The following PCDH7 variants were observed in gnomAD, a reference collection of about 807,000 sequenced individuals.
The protein encoded by PCDH7 is protocadherin 7, also known as protocadherin-7.
In PCDH7, 17 loss-of-function variants were observed where a neutral mutation model predicts 58.9. The observed-to-expected ratio is 0.29, with a 90% CI of 0.20 to 0.43. PCDH7 has a LOEUF of 0.43. PCDH7 is among the 20% of genes least tolerant of loss of function. The probability of loss-of-function intolerance (pLI) is 1.00; values close to 1 mark genes in which losing one functional copy is unlikely to be tolerated. For missense variants in PCDH7, 1,274 were observed against 1,441.0 expected (o/e 0.88, Z 1.88); for synonymous variants, 664 against 616.4 (o/e 1.08, Z -1.14).
chr4:31,079,332 A>ATATT (rs1251192948), intron 3 of PCDH7, among the ~76,000 whole-genome samples: 1 of 58,550 alleles, frequency 1.7e-5, no homozygotes, highest in Non-Finnish European at 3.2e-5. Context: ...ATATATATAT[A>ATATT]TATATATATA....
intron 1 of PCDH7, among the ~76,000 whole-genome samples, chr4:30,857,074 A>T (rs1733559584): frequency 3.9e-5 from 6 of 152,144 alleles, no homozygotes; most frequent in Admixed American, 3.9e-4. Context: ...AAGGTTAACG[A>T]TGATATTTGA....
intron 1 of PCDH7, among the ~76,000 whole-genome samples, chr4:30,770,219 T>C (rs1407467717): frequency 6.6e-6 from 1 of 152,200 alleles, no homozygotes; most frequent in Admixed American, 6.5e-5. Context: ...AAACAAGTAA[T>C]ATCTGTTCTA....
intron 3 of PCDH7, among the ~76,000 whole-genome samples, chr4:31,084,145 A>G (rs1476407699): frequency 1.3e-5 from 2 of 152,194 alleles, no homozygotes; most frequent in Admixed American, 6.5e-5. Context: ...AGATGTAACT[A>G]TATTTAGAAT....
At chr4:30,725,345 C>T in intron 1 of PCDH7, 3 of 941,124 alleles carry the variant, frequency 3.2e-6, no homozygotes, top group Non-Finnish European at 3.8e-6. Context: ...TTATTTAAGC[C>T]AAGTAATGAA....
rs191357929 is a variant in PCDH7 at position 31,075,140 on chromosome 4, T to C, written c.*8-67333T>C. Among the ~76,000 whole-genome samples the C allele has an allele frequency of 3.3e-5, 5 of 152,028 alleles. No individual in the cohort carries two copies. The East Asian group carries it at 9.6e-4, about 29-fold the overall frequency. ...TTATTATGTGCACCCCTTTGTAACA[T>C]GTTGCCTTCAGAAAGCCTCTTTTTT... On this transcript the variant is annotated intron_variant, in intron 3 of 3. Coordinates refer to the PCDH7 transcript ENST00000509759.
At chr4:31,144,184 T>A (rs1445031451), downstream of PCDH7, 2 of 152,180 alleles carry the variant, frequency 1.3e-5, no homozygotes, top group African/African-American at 4.8e-5. Flanking sequence ...AATATAGAAA[T>A]ATTTTGAGAC....
At chr4:30,923,180 C>G (rs988191840) in intron 2 of PCDH7, among the ~76,000 whole-genome samples, 3 of 152,028 alleles carry the variant, frequency 2.0e-5, no homozygotes, top group Admixed American at 1.3e-4. Flanking sequence ...GAATTTTAAC[C>G]TATGTGAAAC....
chr4:30,761,701 G>A (rs904666502), intron 1 of PCDH7, among the ~76,000 whole-genome samples: 1 of 152,090 alleles, frequency 6.6e-6, no homozygotes, highest in African/African-American at 2.4e-5. Flanking sequence ...CCTGCAAAGT[G>A]GAAAGGTCCA....
chr4:30,893,457 ACTG>A (rs1385428300), intron 1 of PCDH7, among the ~76,000 whole-genome samples: 1 of 152,092 alleles, frequency 6.6e-6, no homozygotes, highest in African/African-American at 2.4e-5. Context: ...TATTCAATAT[ACTG>A]CTATAAAGAT....
intron 1 of PCDH7, among the ~76,000 whole-genome samples, chr4:30,773,491 T>C (rs1475294274): frequency 6.6e-6 from 1 of 152,116 alleles, no homozygotes; most frequent in African/African-American, 2.4e-5. Context: ...CTTCTATTTT[T>C]TTTTTCTTTT....
chr4:30,905,116 C>G (rs1308775444), intron 1 of PCDH7, among the ~76,000 whole-genome samples: 1 of 152,112 alleles, frequency 6.6e-6, no homozygotes, highest in Non-Finnish European at 1.5e-5. Context: ...TCTTAACATG[C>G]ACGTTTCATT....
intron 3 of PCDH7, among the ~76,000 whole-genome samples, chr4:30,994,132 T>C (rs761094467): frequency 6.6e-6 from 1 of 152,224 alleles, no homozygotes; most frequent in Admixed American, 6.5e-5. Context: ...AGAAACATTA[T>C]TGATTCTTAT....
At chr4:31,027,097 C>T (rs564561263) in intron 3 of PCDH7, among the ~76,000 whole-genome samples, 3 of 152,076 alleles carry the variant, frequency 2.0e-5, no homozygotes. Flanking sequence ...ATAAGGAAAC[C>T]CAGCCCCAGC....
At chr4:31,135,384 G>A (rs561381587) in intron 3 of PCDH7, among the ~76,000 whole-genome samples, 1 of 152,258 alleles carries the variant, frequency 6.6e-6, no homozygotes, top group African/African-American at 2.4e-5. Context: ...GACACGTGAT[G>A]AATAAATCTT....
chr4:30,805,697 T>G (rs950998651), intron 1 of PCDH7, among the ~76,000 whole-genome samples: 1 of 152,198 alleles, frequency 6.6e-6, no homozygotes, highest in Non-Finnish European at 1.5e-5. Context: ...TTTTTTGTTC[T>G]TTTCCCTCTT....
At chr4:31,035,128 A>G (rs1477596669) in intron 3 of PCDH7, among the ~76,000 whole-genome samples, 1 of 151,998 alleles carries the variant, frequency 6.6e-6, no homozygotes, top group African/African-American at 2.4e-5. Flanking sequence ...CTGTGCTCTC[A>G]TGGGAGAAAC....
chr4:31,091,612 G>A (rs1439276251), intron 3 of PCDH7, among the ~76,000 whole-genome samples: 22 of 151,746 alleles, frequency 1.4e-4, no homozygotes, highest in Admixed American at 1.4e-3. Context: ...ATTATGTATT[G>A]CAAGATGAAA....
chr4:30,902,931 A>G (rs961589511), intron 1 of PCDH7, among the ~76,000 whole-genome samples: 2 of 152,262 alleles, frequency 1.3e-5, no homozygotes, highest in South Asian at 2.1e-4. Flanking sequence ...CAAGAAAAGG[A>G]TAAATGAAAT....
intron 3 of PCDH7, among the ~76,000 whole-genome samples, chr4:31,097,891 A>G (rs1000397974): frequency 4.6e-5 from 7 of 151,934 alleles, no homozygotes; most frequent in Non-Finnish European, 1.0e-4. Flanking sequence ...CTTACATACT[A>G]AAGATGTAGG....
Sources: allele counts gnomAD v4.1 joint callset (sites outside exome capture counted in the v4.1 genomes callset), GRCh38; gene constraint gnomAD v4.1.1; transcripts MANE v1.5; gene names NCBI Gene and HGNC (gene_info 2026-07-23, HGNC 2026-07-21).